SS18L2: variants seen among roughly 807,000 people sequenced by gnomAD.
The protein encoded by SS18L2 is SS18-like protein 2.
In SS18L2, 8 loss-of-function variants were observed where a neutral mutation model predicts 10.3. The ratio of observed to expected loss-of-function variants is 0.78; its 90% CI spans 0.46 to 1.41. The LOEUF (loss-of-function observed/expected upper bound fraction) is 1.41. SS18L2 is among the 40% of genes most tolerant of loss of function. The pLI, the probability that SS18L2 is intolerant of heterozygous loss-of-function variation, is 0.00. For synonymous variants in SS18L2, 41 were observed against 34.6 expected, an observed-to-expected ratio of 1.19 and a Z score of -0.65; for missense variants, 100 against 96.2, an observed-to-expected ratio of 1.04 and a Z score of -0.17.
chr3:42,583,611 G>A (rs565504409), intron 1 of SS18L2, among the ~76,000 whole-genome samples: 1 of 152,236 alleles, frequency 6.6e-6, no homozygotes, highest in South Asian at 2.1e-4. Flanking sequence ...CAGGTAGCTG[G>A]GGGAACATTA....
At chr3:42,583,187 T>C (rs1342592234) in intron 1 of SS18L2, among the ~76,000 whole-genome samples, 1 of 152,198 alleles carries the variant, frequency 6.6e-6, no homozygotes. Context: ...CTTTGGCTGC[T>C]AAAGTGCAGA....
At chr3:42,589,392 G>T (rs769922276), upstream of SS18L2, among the ~76,000 whole-genome samples, 3 of 152,188 alleles carry the variant, frequency 2.0e-5, no homozygotes, top group African/African-American at 4.8e-5. Flanking sequence ...CCACTCAGGG[G>T]AATAAAGCTC....
chr3:42,589,091 C>T (rs13095447), upstream of SS18L2, among the ~76,000 whole-genome samples: 25,991 of 151,402 alleles, frequency 0.17, 2,710 homozygotes, highest in African/African-American at 0.29. Flanking sequence ...GGTGAAACCC[C>T]ATGTCTACTA....
Position 42,596,268 on chromosome 3 carries a change from T to A in SS18L2, c.*1759T>A, listed in dbSNP as rs975315525. 1.3e-5 allele frequency among the ~76,000 whole-genome samples: 2 copies of A among 152,192 alleles called. No individual in the cohort carries two copies. Among genetic ancestry groups the A allele is most frequent in the African/African-American group, 2.4e-5 (1 of 41,456 alleles). On this transcript the variant is annotated 3_prime_UTR_variant, in exon 3 of 3. Transcript: ENST00000011691. ...TACTCACGACCTCAGGTGATCCACC[T>A]GCCTCAGCCTCCTAGAGTGCTGGGA... is the stretch of plus-strand genomic sequence containing the variant.
chr3:42,588,120 G>A (rs989019631), upstream of SS18L2, among the ~76,000 whole-genome samples: 10 of 150,100 alleles, frequency 6.7e-5, no homozygotes, highest in South Asian at 2.1e-4. Flanking sequence ...AACAAAAACC[G>A]GGGCCAGGCA....
chr3:42,583,420 C>G (rs1453074236), intron 1 of SS18L2, among the ~76,000 whole-genome samples: 1 of 152,180 alleles, frequency 6.6e-6, no homozygotes, highest in Non-Finnish European at 1.5e-5. Flanking sequence ...TGCCACTGTT[C>G]AGCCTTGGAT....
At chr3:42,582,768 G>A (rs1488368769) in intron 1 of SS18L2, among the ~76,000 whole-genome samples, 1 of 152,210 alleles carries the variant, frequency 6.6e-6, no homozygotes, top group Admixed American at 6.5e-5. Flanking sequence ...AGGCAAAGGG[G>A]AGAGGAAGTG....
At chr3:42,590,279 A>T (rs1041405955), upstream of SS18L2, among the ~76,000 whole-genome samples, 5 of 152,178 alleles carry the variant, frequency 3.3e-5, no homozygotes, top group African/African-American at 4.8e-5. Flanking sequence ...GCACAGAGTG[A>T]TGTAGAGAGG....
At chr3:42,587,274 G>A (rs1704643607), upstream of SS18L2, 1 of 152,204 alleles carries the variant, frequency 6.6e-6, no homozygotes, top group South Asian at 2.1e-4. Flanking sequence ...CTGGACACCT[G>A]TGTCCTGCTT....
chr3:42,583,389 A>G (rs1704497874), intron 1 of SS18L2, among the ~76,000 whole-genome samples: 1 of 152,212 alleles, frequency 6.6e-6, no homozygotes, highest in African/African-American at 2.4e-5. Flanking sequence ...TGAAGGGGCG[A>G]TGAAGCAGCT....
At chr3:42,583,461 T>C (rs1275440415) in intron 1 of SS18L2, among the ~76,000 whole-genome samples, 1 of 152,170 alleles carries the variant, frequency 6.6e-6, no homozygotes, top group Non-Finnish European at 1.5e-5. Context: ...GATTCACAGA[T>C]ATGGAGAACA....
upstream of SS18L2, among the ~76,000 whole-genome samples, chr3:42,586,767 T>C (rs956380957): frequency 6.6e-6 from 1 of 152,214 alleles, no homozygotes. Flanking sequence ...AAGTGATGTT[T>C]CTCAAAGCTG....
intron 2 of SS18L2, 42 bp from the exon 3 acceptor site, chr3:42,594,380 T>TA: frequency 6.5e-7 from 1 of 1,530,048 alleles, no homozygotes; most frequent in Non-Finnish European, 9.0e-7. Context: ...TCATGGTCGG[T>TA]AAAAACAAGC....
At chr3:42,587,080 T>G (rs763822659), upstream of SS18L2, among the ~76,000 whole-genome samples, 1 of 152,224 alleles carries the variant, frequency 6.6e-6, no homozygotes, top group Non-Finnish European at 1.5e-5. Context: ...TTCTCATTGC[T>G]CCCACTATCT....
chr3:42,585,320 A>C (rs1704575154), intron 1 of SS18L2, among the ~76,000 whole-genome samples: 1 of 152,170 alleles, frequency 6.6e-6, no homozygotes, highest in Non-Finnish European at 1.5e-5. Context: ...CTCATCTCCA[A>C]TCATTGTTCA....
upstream of SS18L2, chr3:42,590,856 G>C (rs769328806): frequency 1.2e-6 from 2 of 1,607,990 alleles, no homozygotes; most frequent in Non-Finnish European, 1.7e-6. Flanking sequence ...ACCTATCGTG[G>C]GTCGAGTTGC....
At chr3:42,587,772 C>T (rs1167354241), upstream of SS18L2, among the ~76,000 whole-genome samples, 2 of 151,066 alleles carry the variant, frequency 1.3e-5, no homozygotes, top group African/African-American at 4.9e-5. Flanking sequence ...ATAAACCTCA[C>T]TCAAAACCTT....
At chr3:42,592,867 A>AC (rs200614123) in intron 2 of SS18L2, among the ~76,000 whole-genome samples, 69 of 150,346 alleles carry the variant, frequency 4.6e-4, no homozygotes, top group East Asian at 1.8e-3. Context: ...GAAGAACTCT[A>AC]CCCCCCCCAC....
At chr3:42,592,382 T>C (rs1404111654) in intron 2 of SS18L2, among the ~76,000 whole-genome samples, 1 of 152,054 alleles carries the variant, frequency 6.6e-6, no homozygotes, top group East Asian at 1.9e-4. Context: ...ATATTTGTAG[T>C]AGAGACAGGG....
Sources: gnomAD v4.1 joint callset for allele counts (sites outside exome capture counted in the v4.1 genomes callset) on GRCh38, gnomAD v4.1.1 for gene constraint, MANE v1.5 for transcripts, NCBI Gene and HGNC (gene_info 2026-07-23, HGNC 2026-07-21) for gene names.